GSDME: variants seen among roughly 807,000 people sequenced by gnomAD.
GSDME encodes the protein gasdermin-E.
GSDME carries 44 observed loss-of-function variants against 47.5 expected under a neutral mutation model. The observed-to-expected ratio is 0.93, with a 90% CI of 0.73 to 1.19. GSDME has a LOEUF of 1.19. Among genes scored for constraint, GSDME ranks in the 50% most tolerant of loss-of-function variants. GSDME has a pLI of 0.00. For synonymous variants in GSDME, 258 were observed against 252.8 expected, an observed-to-expected ratio of 1.02 and a Z score of -0.20; for missense variants, 663 against 604.2, an observed-to-expected ratio of 1.10 and a Z score of -1.02.
chr7:24,758,829 G>A (rs1276761032), upstream of GSDME, among the ~76,000 whole-genome samples: 2 of 152,130 alleles, frequency 1.3e-5, no homozygotes, highest in African/African-American at 2.4e-5. The surrounding 1 kb of genome is among the most constrained non-coding windows in gnomAD (Gnocchi z 4.6). Flanking sequence ...CTTATTTCAT[G>A]TATTATCCTC....
chr7:24,777,737 T>A, the GSDME span, among the ~76,000 whole-genome samples: 1 of 152,004 alleles, frequency 6.6e-6, no homozygotes, highest in Non-Finnish European at 1.5e-5. Flanking sequence ...TTTGAAAAAG[T>A]TTATGAAAGC....
At chr7:24,717,065 C>G (rs1789586131) in intron 5 of GSDME, 189 bp downstream of exon 5, 1 of 663,240 alleles carries the variant, frequency 1.5e-6, no homozygotes, top group African/African-American at 1.8e-5. Flanking sequence ...CATCCCTCAC[C>G]ACACCCCTCC....
chr7:24,698,897 A>C lies in GSDME; in HGVS notation c.*129T>G. On this transcript the variant is annotated 3_prime_UTR_variant, in exon 10 of 10. Transcript: ENST00000645220. ...TAAAAGTCAGGTCATTCATCATGCA[A>C]AATGTCACCACTTCTTAAACTGTTC... The C allele has an allele frequency of 6.5e-6, 5 of 768,562 alleles. No individual in the cohort carries two copies. The highest frequency in any genetic ancestry group is 9.1e-6 in the Non-Finnish European group (4 of 441,570). 47.6% of individuals were successfully genotyped at this position (768,562 alleles called of 1,614,324 possible).
chr7:24,708,166 G>T lies in GSDME; in HGVS notation c.951C>A (p.Val317=). Residue 317 remains valine, a synonymous_variant, in exon 7 of 10, where the codon GTC becomes GTA. Transcript: ENST00000645220. The part of the protein sequence containing the change: ...QTALSDIFQA[V]LFDDELLMVL... Reference sequence around the variant, plus strand: ...CCATGAGTAGTTCATCATCAAATAGGACCGCCTGGAAGATGTCACTCAAAG... The same window carrying T: ...CCATGAGTAGTTCATCATCAAATAGTACCGCCTGGAAGATGTCACTCAAAG... 1 of 1,614,114 alleles carries T rather than the reference G, an allele frequency of 6.2e-7. No individual in the cohort carries two copies.
At chr7:24,713,082 C>A (rs1210812023) in intron 5 of GSDME, among the ~76,000 whole-genome samples, 1 of 151,594 alleles carries the variant, frequency 6.6e-6, no homozygotes, top group Non-Finnish European at 1.5e-5. Context: ...GACATGGAAG[C>A]CTTCATAAGA....
the GSDME span, among the ~76,000 whole-genome samples, chr7:24,788,715 T>G: frequency 6.6e-6 from 1 of 152,216 alleles, no homozygotes; most frequent in Non-Finnish European, 1.5e-5. The surrounding 1 kb of genome is among the most constrained non-coding windows in gnomAD (Gnocchi z 4.6). Flanking sequence ...CAAATTGTAT[T>G]GCCTTCTCAA....
At chr7:24,775,459 C>T in the GSDME span, among the ~76,000 whole-genome samples, 2 of 152,176 alleles carry the variant, frequency 1.3e-5, no homozygotes, top group Non-Finnish European at 2.9e-5. Flanking sequence ...AAAATCAACA[C>T]AAACGTGTGA....
Position 24,706,395 on chromosome 7 carries a change from G to T in GSDME, c.991-19C>A, listed in dbSNP as rs1177404955. On this transcript the variant is annotated intron_variant, in intron 7 of 9. Coordinates refer to ENST00000645220, the MANE Select transcript of GSDME (RefSeq NM_001127453.2). ...CATCGCACTGTAGGGCAGGGAAGAA[G>T]AAGGGTCATGACACAGCTGGAGACC... 6.2e-7 allele frequency: 1 copy of T among 1,609,246 alleles called. No homozygotes were observed. The highest frequency in any genetic ancestry group is 1.1e-5 in the South Asian group (1 of 90,472).
At chr7:24,731,746 A>G (rs1790152964) in intron 3 of GSDME, among the ~76,000 whole-genome samples, 1 of 152,218 alleles carries the variant, frequency 6.6e-6, no homozygotes, top group African/African-American at 2.4e-5. Flanking sequence ...CACCGATCCC[A>G]TTTTGCTAAT....
rs141929363 is a variant in GSDME at position 24,714,948 on chromosome 7, C to A, written c.697+2306G>T. ...CGCATCCTTCACTACAGCCAAGATA[C>A]GGAAATAATGTAACTGTCTGTTGAT... On this transcript the variant is annotated intron_variant, in intron 5 of 9. Coordinates refer to ENST00000645220, the MANE Select transcript of GSDME (RefSeq NM_001127453.2). The surrounding 1 kb of genome is among the most constrained non-coding windows in gnomAD (Gnocchi z 5.0). Among the ~76,000 whole-genome samples the A allele has an allele frequency of 3.3e-5, 5 of 152,092 alleles. No homozygotes were observed. The highest frequency in any genetic ancestry group is 5.9e-5 in the Non-Finnish European group (4 of 68,028).
chr7:24,719,061 T>G lies in GSDME; in HGVS notation c.562A>C (p.Thr188Pro). 1 of 1,612,790 alleles carries G rather than the reference T, an allele frequency of 6.2e-7. No individual in the cohort carries two copies. The highest frequency in any genetic ancestry group is 8.5e-7 in the Non-Finnish European group (1 of 1,180,012). ...EKCGGIVGIQ[T>P]KTVQVSATED... ...ACTGCACGCACCTGCACCGTCTTGG[T>G]CTGGATGCCCACGATGCCACCACAC... Residue 188 changes from threonine (T) to proline (P), a missense_variant, in exon 4 of 10, where the codon ACC becomes CCC. Thr to Pro is a conservative substitution (Grantham distance 38, BLOSUM62 -1). Transcript: ENST00000645220.
At chr7:24,741,482 C>T (rs77351722) in intron 3 of GSDME, among the ~76,000 whole-genome samples, 3,482 of 152,190 alleles carry the variant, frequency 0.023, 47 homozygotes, top group Non-Finnish European at 0.033. Context: ...TCCAGGTATC[C>T]GGAAGGTTAA....
intron 3 of GSDME, among the ~76,000 whole-genome samples, chr7:24,729,681 G>A (rs768324672): frequency 3.1e-4 from 47 of 152,346 alleles, no homozygotes; most frequent in Middle Eastern, 3.4e-3. Context: ...GGAGCCTGGA[G>A]TATTAATCCC....
chr7:24,699,205 G>GAGTC lies in GSDME; in HGVS notation c.1308_1311dup (p.Pro438AspfsTer20). 6.2e-7 allele frequency: 1 copy of GAGTC among 1,614,186 alleles called. No homozygotes were observed. The highest frequency in any genetic ancestry group is 8.5e-7 in the Non-Finnish European group (1 of 1,180,032). On this transcript the variant is annotated frameshift_variant, in exon 10 of 10. Transcript: ENST00000645220. LOFTEE classifies it low-confidence loss of function (END_TRUNC). The stretch of plus-strand genomic sequence containing the variant: ...CCAAACCTTTCTGTATCTTTCAGGG[G>GAGTC]AGTCAAGGTTGGGTCTTCAAGATCA...
In GSDME at chr7:24,714,495, C is replaced by A. The variant is rs746749674; in HGVS notation, c.697+2759G>T. 6.6e-6 allele frequency among the ~76,000 whole-genome samples: 1 copy of A among 152,242 alleles called. No individual in the cohort carries two copies. Among genetic ancestry groups the A allele is most frequent in the Non-Finnish European group, 1.5e-5 (1 of 68,014 alleles). ...GGCAGTGAATCACCCAGAACGATGA[C>A]CTGACCACCAAGCCACCATAGGAAG... On this transcript the variant is annotated intron_variant, in intron 5 of 9. Coordinates refer to ENST00000645220, the MANE Select transcript of GSDME (RefSeq NM_001127453.2). This position sits in a 1 kb window ranked among gnomAD's most constrained non-coding sequence, Gnocchi z 5.0.
the GSDME span, among the ~76,000 whole-genome samples, chr7:24,784,835 CA>C: frequency 2.0e-5 from 3 of 152,118 alleles, no homozygotes; most frequent in Admixed American, 6.5e-5. Context: ...GCTGGGCTTA[CA>C]GGTGTGAGCC....
rs557743296 is a variant in GSDME at position 24,707,274 on chromosome 7, A to C, written c.990+853T>G. The C allele has an allele frequency of 8.5e-6, 4 of 468,260 alleles. No individual in the cohort carries two copies. The East Asian group carries it at 2.8e-4, about 33-fold the overall frequency. The allele number at this position is 468,260 out of a possible 1,614,324, so 29.0% of individuals were successfully genotyped here. A position where few individuals can be genotyped will look rare whatever the true frequency, so the allele number is the denominator to read the frequency against. ...ATAGAAAAACAAAAGAACAAAAAACAAAACTGTAGTCAAAATCAGGTTTAT... is the reference window on the plus strand; with the variant it reads ...ATAGAAAAACAAAAGAACAAAAAACCAAACTGTAGTCAAAATCAGGTTTAT... On this transcript the variant is annotated intron_variant, in intron 7 of 9. Transcript: ENST00000645220.
In GSDME at chr7:24,712,506, G is replaced by C. The variant is rs1174376851; in HGVS notation, c.698-2118C>G. Among the ~76,000 whole-genome samples, 2 of 152,100 alleles carry C rather than the reference G, an allele frequency of 1.3e-5. No individual in the cohort carries two copies. The highest frequency in any genetic ancestry group is 2.4e-5 in the African/African-American group (1 of 41,392). On this transcript the variant is annotated intron_variant, in intron 5 of 9. Coordinates refer to ENST00000645220, the MANE Select transcript of GSDME (RefSeq NM_001127453.2). This position sits in a 1 kb window ranked among gnomAD's most constrained non-coding sequence, Gnocchi z 4.4. ...CCCCAGCCAGCCAGCCAGCAAATAT[G>C]CAACAATGTAAATCTTTAAAATTCC...
intron 2 of GSDME, among the ~76,000 whole-genome samples, chr7:24,746,914 T>A (rs1423109146): frequency 6.6e-6 from 1 of 152,102 alleles, no homozygotes; most frequent in Non-Finnish European, 1.5e-5. Flanking sequence ...AGGTGAAGCA[T>A]CCTGACTCTA....
Sources: allele counts gnomAD v4.1 joint callset (sites outside exome capture counted in the v4.1 genomes callset), GRCh38; gene constraint gnomAD v4.1.1; non-coding constraint Gnocchi (gnomAD v3.1); transcripts MANE v1.5; gene names NCBI Gene and HGNC (gene_info 2026-07-23, HGNC 2026-07-21).